GALNTL6: variants seen among roughly 807,000 people sequenced by gnomAD.
GALNTL6 encodes the protein polypeptide N-acetylgalactosaminyltransferase-like 6.
A neutral mutation model predicts 73.7 loss-of-function variants in GALNTL6; 46 were observed. That is an observed-to-expected ratio of 0.62 (90% CI 0.49 to 0.80). The LOEUF is 0.80. Ranked by LOEUF, GALNTL6 falls within the 30% of genes least tolerant of loss-of-function variation. GALNTL6 has a pLI of 0.00. For missense variants in GALNTL6, 604 were observed against 755.0 expected (o/e 0.80, Z 2.34); for synonymous variants, 259 against 263.7 (o/e 0.98, Z 0.17).
chr4:172,144,586 G>A (rs920393480), intron 2 of GALNTL6, among the ~76,000 whole-genome samples: 1 of 152,144 alleles, frequency 6.6e-6, no homozygotes, highest in Non-Finnish European at 1.5e-5. Flanking sequence ...CATTTACTAG[G>A]TGAATATTGT....
chr4:172,579,687 G>A (rs533375820), intron 5 of GALNTL6, among the ~76,000 whole-genome samples: 1 of 152,238 alleles, frequency 6.6e-6, no homozygotes, highest in South Asian at 2.1e-4. Flanking sequence ...AAGGCCAGAA[G>A]CAATTTTCTA....
intron 2 of GALNTL6, among the ~76,000 whole-genome samples, chr4:172,127,712 T>G (rs1733341182): frequency 6.6e-6 from 1 of 152,152 alleles, no homozygotes; most frequent in East Asian, 1.9e-4. Context: ...ATGAAATTGG[T>G]CTTATTTATC....
chr4:171,909,023 T>C (rs1040452464), intron 2 of GALNTL6, among the ~76,000 whole-genome samples: 41 of 147,510 alleles, frequency 2.8e-4, no homozygotes, highest in African/African-American at 9.8e-4. Context: ...AGGGATAGCA[T>C]TGGGAGATAT....
chr4:172,447,439 G>A (rs1481124876), intron 5 of GALNTL6, among the ~76,000 whole-genome samples: 1 of 152,164 alleles, frequency 6.6e-6, no homozygotes, highest in Admixed American at 6.6e-5. Flanking sequence ...TTTGGCATCG[G>A]TTGTAGGTTC....
intron 2 of GALNTL6, among the ~76,000 whole-genome samples, chr4:172,065,333 C>G (rs1253955607): frequency 6.6e-6 from 1 of 152,122 alleles, no homozygotes; most frequent in Non-Finnish European, 1.5e-5. Context: ...AGGCGGAGCT[C>G]AGGCCATAAT....
intron 5 of GALNTL6, among the ~76,000 whole-genome samples, chr4:172,651,559 G>A (rs1044069850): frequency 7.9e-5 from 12 of 152,120 alleles, no homozygotes; most frequent in African/African-American, 2.4e-4. Context: ...TAATTGGTTA[G>A]CTAAACTCCT....
intron 3 of GALNTL6, among the ~76,000 whole-genome samples, chr4:172,270,429 T>G (rs1738602194): frequency 6.6e-6 from 1 of 152,222 alleles, no homozygotes; most frequent in South Asian, 2.1e-4. Context: ...TTTTTCAACA[T>G]AGGCTAGTGT....
chr4:172,108,839 C>A (rs939818352), intron 2 of GALNTL6, among the ~76,000 whole-genome samples: 1 of 151,616 alleles, frequency 6.6e-6, no homozygotes, highest in Non-Finnish European at 1.5e-5. Flanking sequence ...TTGTGAAACC[C>A]CATCTCTACT....
intron 5 of GALNTL6, among the ~76,000 whole-genome samples, chr4:172,401,111 AT>A: frequency 6.6e-6 from 1 of 152,202 alleles, no homozygotes. Flanking sequence ...GCAAAGTTTC[AT>A]TATTCCTTGT....
rs1455648624 is a variant in GALNTL6, at chr4:172,653,197, T to G, written c.554-156164T>G. Among the ~76,000 whole-genome samples, 5 of 146,798 alleles carry G rather than the reference T, an allele frequency of 3.4e-5. No homozygotes were observed. In the South Asian group the frequency reaches 8.7e-4, roughly 26 times the overall value. ...TCCTTCGTTGGCTAAACTATTGCAC[T>G]TTGTTATCTTTCTATTTCTCTTCTT... On this transcript the variant is annotated intron_variant, in intron 5 of 12. Transcript: ENST00000506823.
chr4:172,895,032 G>A (rs556259906), intron 8 of GALNTL6, among the ~76,000 whole-genome samples: 41 of 149,472 alleles, frequency 2.7e-4, no homozygotes, highest in South Asian at 4.2e-4. Flanking sequence ...TTCTATTTGC[G>A]TGAGTGGAAT....
At chr4:172,733,337 T>G (rs1560912877) in intron 5 of GALNTL6, among the ~76,000 whole-genome samples, 1 of 152,212 alleles carries the variant, frequency 6.6e-6, no homozygotes, top group Non-Finnish European at 1.5e-5. Flanking sequence ...TATTTCTTGC[T>G]GCTTTTAGGA....
intron 8 of GALNTL6, among the ~76,000 whole-genome samples, chr4:172,909,286 G>A (rs1329563189): frequency 2.0e-5 from 3 of 148,206 alleles, no homozygotes; most frequent in African/African-American, 7.4e-5. Flanking sequence ...TTAGAATAGA[G>A]ATAGTCTCCT....
In GALNTL6 at chr4:172,494,027, T is replaced by TATATATTTAAC. The variant is rs1733982367; in HGVS notation, c.553+145338_553+145339insATATATTTAAC. On this transcript the variant is annotated intron_variant, in intron 5 of 12. Transcript: ENST00000506823. Reference sequence around the variant, plus strand: ...GTTTTTTTAACCTATATATTTTACCTGTACATACTTCTAGTACAGCTCTTT... The same window carrying TATATATTTAAC: ...GTTTTTTTAACCTATATATTTTACCTATATATTTAACGTACATACTTCTAGTACAGCTCTTT... 7.2e-5 allele frequency among the ~76,000 whole-genome samples: 11 copies of TATATATTTAAC among 152,178 alleles called. 1 individual carries two copies. Among genetic ancestry groups the TATATATTTAAC allele is most frequent in the Admixed American group, 3.9e-4 (6 of 15,280 alleles).
At chr4:172,206,869 G>C (rs374314693) in intron 2 of GALNTL6, among the ~76,000 whole-genome samples, 21 of 131,042 alleles carry the variant, frequency 1.6e-4, no homozygotes, top group African/African-American at 4.9e-4. Context: ...CCAGGCTGGA[G>C]TGCAGTGGTG....
intron 5 of GALNTL6, among the ~76,000 whole-genome samples, chr4:172,390,382 C>T (rs900174642): frequency 6.6e-6 from 1 of 152,160 alleles, no homozygotes; most frequent in Non-Finnish European, 1.5e-5. Flanking sequence ...TCTGCACTTT[C>T]AGTTACCCAC....
intron 4 of GALNTL6, among the ~76,000 whole-genome samples, chr4:172,324,181 T>C (rs1332446856): frequency 6.6e-6 from 1 of 152,012 alleles, no homozygotes; most frequent in Non-Finnish European, 1.5e-5. Flanking sequence ...TGAAATATGT[T>C]AACATAATTA....
chr4:172,711,743 C>T (rs972873924), intron 5 of GALNTL6, among the ~76,000 whole-genome samples: 2 of 152,132 alleles, frequency 1.3e-5, no homozygotes, highest in Admixed American at 1.3e-4. Flanking sequence ...TGCAGATGGA[C>T]TTCAAGGAGG....
At chr4:172,876,520 C>T (rs74410744) in intron 7 of GALNTL6, among the ~76,000 whole-genome samples, 2,677 of 152,224 alleles carry the variant, frequency 0.018, 80 homozygotes, top group African/African-American at 0.06. Flanking sequence ...TCCAGTTACG[C>T]ATTGCAATAT....
Sources: allele counts gnomAD v4.1 joint callset (sites outside exome capture counted in the v4.1 genomes callset), GRCh38; gene constraint gnomAD v4.1.1; transcripts MANE v1.5; gene names NCBI Gene and HGNC (gene_info 2026-07-23, HGNC 2026-07-21).